PPP2R2B: variants seen among roughly 807,000 people sequenced by gnomAD.
PPP2R2B encodes protein phosphatase 2 regulatory subunit Bbeta.
A neutral mutation model predicts 46.0 loss-of-function variants in PPP2R2B; 5 were observed. The ratio of observed to expected loss-of-function variants is 0.11; its 90% CI spans 0.06 to 0.23. PPP2R2B has a LOEUF of 0.23. PPP2R2B is among the 10% of genes least tolerant of loss of function. PPP2R2B has a pLI of 1.00. For missense variants in PPP2R2B, 367 were observed against 575.0 expected (o/e 0.64, Z 3.70); for synonymous variants, 215 against 206.7 (o/e 1.04, Z -0.34).
intron 6 of PPP2R2B, among the ~76,000 whole-genome samples, chr5:146,639,804 T>G (rs1456884768): frequency 6.6e-6 from 1 of 152,244 alleles, no homozygotes; most frequent in East Asian, 1.9e-4. Flanking sequence ...AGTAACCCAA[T>G]GTTCATAAAA....
chr5:146,621,783 A>C (rs1253292150), intron 7 of PPP2R2B, among the ~76,000 whole-genome samples: 1 of 152,216 alleles, frequency 6.6e-6, no homozygotes, highest in African/African-American at 2.4e-5. Context: ...AGAGAGAAGA[A>C]ACATTTTATA....
At chr5:146,972,766 A>C (rs939602344) in intron 1 of PPP2R2B, among the ~76,000 whole-genome samples, 2 of 152,104 alleles carry the variant, frequency 1.3e-5, no homozygotes, top group African/African-American at 4.8e-5. Context: ...TATAATTAGC[A>C]TTTATCTTAT....
At chr5:146,673,631 A>G (rs950477209) in intron 5 of PPP2R2B, among the ~76,000 whole-genome samples, 3 of 31,966 alleles carry the variant, frequency 9.4e-5, no homozygotes, top group Non-Finnish European at 3.9e-4. Context: ...AGGAAGATTC[A>G]AAACTAAGAC....
chr5:146,714,750 T>C (rs922361395), intron 2 of PPP2R2B, among the ~76,000 whole-genome samples: 2 of 152,190 alleles, frequency 1.3e-5, no homozygotes, highest in African/African-American at 2.4e-5. Flanking sequence ...ATTTCTCTCA[T>C]ATATCAGCAT....
intron 1 of PPP2R2B, among the ~76,000 whole-genome samples, chr5:146,948,299 T>C (rs1764548218): frequency 6.6e-6 from 1 of 152,072 alleles, no homozygotes; most frequent in African/African-American, 2.4e-5. Flanking sequence ...GGCTTAAATA[T>C]ATTATCTACT....
At chr5:146,637,106 T>C (rs756854097) in intron 7 of PPP2R2B, among the ~76,000 whole-genome samples, 1 of 152,230 alleles carries the variant, frequency 6.6e-6, no homozygotes, top group Non-Finnish European at 1.5e-5. Flanking sequence ...CCTGGGTGCA[T>C]CTTGCCTCAT....
intron 1 of PPP2R2B, among the ~76,000 whole-genome samples, chr5:146,990,626 T>C (rs917226421): frequency 6.6e-6 from 1 of 152,026 alleles, no homozygotes; most frequent in African/African-American, 2.4e-5. Flanking sequence ...GTAGAAAATA[T>C]AGGGGAAATG....
intron 1 of PPP2R2B, among the ~76,000 whole-genome samples, chr5:146,922,040 T>C (rs1344346094): frequency 6.6e-6 from 1 of 152,204 alleles, no homozygotes; most frequent in Non-Finnish European, 1.5e-5. Flanking sequence ...CTGGGATTCA[T>C]CCCTAGGTCT....
At position 146,930,020 on chromosome 5, in the gene PPP2R2B, T is replaced by C. The variant is rs576443877; in HGVS notation, c.79+125645A>G. The stretch of plus-strand genomic sequence containing the variant: ...ACAGATTAGAAATCGGTCCCTGGTC[T>C]CACAGAATTTATGTTCTGTAGGCAG... On this transcript the variant is annotated intron_variant, in intron 1 of 8. Coordinates refer to the PPP2R2B transcript ENST00000336640. 4.6e-5 allele frequency among the ~76,000 whole-genome samples: 7 copies of C among 152,350 alleles called. No individual in the cohort carries two copies. In the South Asian group the frequency reaches 1.4e-3, roughly 32 times the overall value.
intron 2 of PPP2R2B, among the ~76,000 whole-genome samples, chr5:147,071,260 A>G (rs958925267): frequency 1.3e-5 from 2 of 152,128 alleles, no homozygotes; most frequent in Non-Finnish European, 2.9e-5. Flanking sequence ...GGAATTTATC[A>G]GCTCTGGGGG....
rs114834128 is a variant in PPP2R2B, at chr5:146,668,925, A to G, written c.448-18201T>C. On this transcript the variant is annotated intron_variant, in intron 5 of 9. Coordinates refer to ENST00000394411, the MANE Select transcript of PPP2R2B (RefSeq NM_181675.4). ...CCTTTGAGGACTGTAGACTCCATTAATTCATTTTCTTCCTGAAGGAAGGAA... is the reference window on the plus strand; with the variant it reads ...CCTTTGAGGACTGTAGACTCCATTAGTTCATTTTCTTCCTGAAGGAAGGAA... Among the ~76,000 whole-genome samples the G allele has an allele frequency of 9.8e-3, 1,495 of 152,320 alleles. 22 individuals carry two copies. The highest frequency in any genetic ancestry group is 0.033 in the African/African-American group (1,389 of 41,576).
chr5:147,020,795 A>G (rs1755225547), intron 1 of PPP2R2B, among the ~76,000 whole-genome samples: 1 of 152,204 alleles, frequency 6.6e-6, no homozygotes, highest in Admixed American at 6.5e-5. Flanking sequence ...CACATTCTTG[A>G]AGTTCAGGCA....
At chr5:146,918,031 GT>G (rs1464811449) in intron 1 of PPP2R2B, 1 of 152,158 alleles carries the variant, frequency 6.6e-6, no homozygotes, top group Non-Finnish European at 1.5e-5. Flanking sequence ...ACTCCCTGCA[GT>G]CCCCCATCCC....
intron 2 of PPP2R2B, among the ~76,000 whole-genome samples, chr5:146,727,177 T>C (rs1751926340): frequency 6.6e-6 from 1 of 152,060 alleles, no homozygotes; most frequent in East Asian, 1.9e-4. Flanking sequence ...CTCATTGTAT[T>C]AGCTCACAGA....
intron 1 of PPP2R2B, among the ~76,000 whole-genome samples, chr5:146,904,037 C>T (rs538517632): frequency 6.6e-6 from 1 of 152,254 alleles, no homozygotes; most frequent in East Asian, 1.9e-4. Context: ...CTTGTCTCTG[C>T]AGGGATTGTC....
At chr5:146,812,559 GTATATATATATATATATATA>G (rs756797458) in intron 2 of PPP2R2B, among the ~76,000 whole-genome samples, 3 of 1,840 alleles carry the variant, frequency 1.6e-3, no homozygotes, top group South Asian at 0.056. Context: ...CCTCAGAAGA[GTATATATATATATATATATA>G]TATATATATA....
At chr5:146,847,593 G>A (rs1343201788) in intron 2 of PPP2R2B, among the ~76,000 whole-genome samples, 1 of 152,160 alleles carries the variant, frequency 6.6e-6, no homozygotes, top group African/African-American at 2.4e-5. Flanking sequence ...GGTGGTGGAT[G>A]TAGAACACAA....
chr5:146,979,179 C>T (rs1753049243), intron 1 of PPP2R2B, among the ~76,000 whole-genome samples: 1 of 152,174 alleles, frequency 6.6e-6, no homozygotes, highest in Non-Finnish European at 1.5e-5. Context: ...TGGCCTGAAA[C>T]ACATTTCTCT....
At chr5:147,028,479 C>T (rs940723303) in intron 1 of PPP2R2B, among the ~76,000 whole-genome samples, 17 of 151,976 alleles carry the variant, frequency 1.1e-4, no homozygotes, top group Non-Finnish European at 1.6e-4. Context: ...TCGTAACTTC[C>T]GATATTTTGT....
Sources: gnomAD v4.1 joint callset for allele counts (sites outside exome capture counted in the v4.1 genomes callset) on GRCh38, gnomAD v4.1.1 for gene constraint, MANE v1.5 for transcripts, NCBI Gene and HGNC (gene_info 2026-07-23, HGNC 2026-07-21) for gene names.